POLR3H: variants seen among roughly 807,000 people sequenced by gnomAD.
The protein encoded by POLR3H is RNA polymerase III subunit H.
In POLR3H, 17 loss-of-function variants were observed where a neutral mutation model predicts 25.5. That is an observed-to-expected ratio of 0.67 (90% CI 0.46 to 1.00). The LOEUF is 1.00. POLR3H is among the 50% of genes least tolerant of loss of function. The pLI, the probability that POLR3H is intolerant of heterozygous loss-of-function variation, is 0.00. For synonymous variants in POLR3H, 129 were observed against 103.0 expected (o/e 1.25, Z -1.53); for missense variants, 274 against 265.0 (o/e 1.03, Z -0.24).
In POLR3H at chr22:41,544,069, G is replaced by T; in HGVS notation, c.33C>A (p.Val11=). 1 of 1,613,750 alleles carries T rather than the reference G, an allele frequency of 6.2e-7. No individual in the cohort carries two copies. Among genetic ancestry groups the T allele is most frequent in the South Asian group, 1.1e-5 (1 of 91,068 alleles). The stretch of plus-strand genomic sequence containing the variant: ...TCTCAAACTGCCAAGGGGGGATCCG[G>T]ACGGTGTCCACCATTTCCACCAGGA... MFVLVEMVDT[V]RIPPWQFERK... is the part of the protein sequence containing the mutation. The change falls in exon 1 of 6, where the codon GTC becomes GTA. Residue 11 remains valine (V), a synonymous_variant. Coordinates refer to ENST00000355209, the MANE Select transcript of POLR3H (RefSeq NM_001018050.4).
chr22:41,530,807 C>T lies in POLR3H; in HGVS notation c.441G>A (p.Glu147=). 6.2e-7 allele frequency: 1 copy of T among 1,614,142 alleles called. No individual in the cohort carries two copies. Among genetic ancestry groups the T allele is most frequent in the Non-Finnish European group, 8.5e-7 (1 of 1,180,040 alleles). ...TCTCGTCCACCACCCGGAAGCGGAT[C>T]TCCTCGCCGGTGTCCATGTAGAGGT... is the stretch of plus-strand genomic sequence containing the variant. ...AHDLYMDTGE[E]IRFRVVDESF... The change falls in exon 5 of 6, where the codon GAG becomes GAA. Residue 147 remains glutamate (E), a synonymous_variant. Coordinates refer to ENST00000355209, the MANE Select transcript of POLR3H (RefSeq NM_001018050.4).
chr22:41,531,834 G>C (rs2066742662), intron 4 of POLR3H, among the ~76,000 whole-genome samples: 1 of 152,230 alleles, frequency 6.6e-6, no homozygotes, highest in Non-Finnish European at 1.5e-5. Flanking sequence ...GGACACCACA[G>C]CTCTAATGGT....
intron 2 of POLR3H, among the ~76,000 whole-genome samples, chr22:41,533,228 CT>C (rs2066777149): frequency 6.6e-6 from 1 of 152,226 alleles, no homozygotes; most frequent in African/African-American, 2.4e-5. Context: ...TCAGGCCATG[CT>C]GCAGGTGGTC....
At position 41,526,233 on chromosome 22, in the gene POLR3H, ACCTCTGT is replaced by A. The variant is rs1183425800; in HGVS notation, c.*3043_*3049del. On this transcript the variant is annotated 3_prime_UTR_variant, in exon 6 of 6. Transcript: ENST00000355209. ...TCCACCCCTCCAGGGCCATGCCCTG[ACCTCTGT>A]CCTCTCTACTTACCACCCAAGGTCA... The A allele has an allele frequency of 6.3e-7, 1 of 1,596,788 alleles. No homozygotes were observed. Among genetic ancestry groups the A allele is most frequent in the Admixed American group, 1.7e-5 (1 of 59,550 alleles).
In POLR3H at chr22:41,544,330, C is replaced by T. The variant is rs1051051183; in HGVS notation, c.-229G>A. 8 of 414,460 alleles carry T rather than the reference C, an allele frequency of 1.9e-5. No individual in the cohort carries two copies. The highest frequency in any genetic ancestry group is 1.5e-4 in the African/African-American group (7 of 47,180). 25.7% of individuals were successfully genotyped at this position (414,460 alleles called of 1,614,324 possible). A position where few individuals can be genotyped will look rare whatever the true frequency, so the allele number is the denominator to read the frequency against. ...CACTCTCCGTCCACAGCTCCGGGTG[C>T]GCGCCCGCGCCGCGAGACCCCGCCA... On this transcript the variant is annotated 5_prime_UTR_variant, in exon 1 of 6. Transcript: ENST00000355209.
At position 41,527,123 on chromosome 22, in the gene POLR3H, C is replaced by T; in HGVS notation, c.*2160G>A. The T allele has an allele frequency of 9.9e-7, 1 of 1,013,126 alleles. No individual in the cohort carries two copies. The highest frequency in any genetic ancestry group is 1.4e-6 in the Non-Finnish European group (1 of 699,364). 62.8% of individuals were successfully genotyped at this position (1,013,126 alleles called of 1,614,324 possible). A position where few individuals can be genotyped will look rare whatever the true frequency, so the allele number is the denominator to read the frequency against. ...CTCGTTTGGGTCTCATTCACGCAGG[C>T]TTCACTTGCCCTTAGGCAGCAGGCG... On this transcript the variant is annotated 3_prime_UTR_variant, in exon 6 of 6. Coordinates refer to ENST00000355209, the MANE Select transcript of POLR3H (RefSeq NM_001018050.4).
intron 2 of POLR3H, among the ~76,000 whole-genome samples, chr22:41,537,763 TA>T (rs2066871581): frequency 6.6e-6 from 1 of 152,080 alleles, no homozygotes. Flanking sequence ...TGGGGGCTAA[TA>T]AAAGCCAGCA....
intron 2 of POLR3H, among the ~76,000 whole-genome samples, chr22:41,534,286 C>T (rs1823216842): frequency 1.3e-5 from 2 of 152,186 alleles, no homozygotes; most frequent in South Asian, 2.1e-4. Context: ...GCTGGGCACC[C>T]GGAGTCCCCC....
Position 41,528,450 on chromosome 22 carries a change from T to C in POLR3H, c.*833A>G, listed in dbSNP as rs190864956. ...GCCAAGGGCACACAGTACCCACCAC[T>C]TCCACCCACACCCACCTTCTCCTTG... is the stretch of plus-strand genomic sequence containing the variant. On this transcript the variant is annotated 3_prime_UTR_variant, in exon 6 of 6. Transcript: ENST00000355209. 3.0e-4 allele frequency: 487 copies of C among 1,609,546 alleles called. 4 individuals carry two copies. The African/African-American group carries it at 5.2e-3, about 17-fold the overall frequency.
intron 2 of POLR3H, among the ~76,000 whole-genome samples, chr22:41,538,269 G>A (rs1006042660): frequency 2.0e-5 from 3 of 151,962 alleles, no homozygotes; most frequent in African/African-American, 7.3e-5. Flanking sequence ...GAGTAGCTGG[G>A]ACTACAGGTG....
chr22:41,526,588 G>A lies in POLR3H; in HGVS notation c.*2695C>T. ...GCCCAAAGGGGACTGCTGTGGAAGG[G>A]AGGAGAGGCCTGCAGCCCCTCCCTG... On this transcript the variant is annotated 3_prime_UTR_variant, in exon 6 of 6. Transcript: ENST00000355209. 1 of 994,138 alleles carries A rather than the reference G, an allele frequency of 1.0e-6. No individual in the cohort carries two copies. Among genetic ancestry groups the A allele is most frequent in the Non-Finnish European group, 1.4e-6 (1 of 701,926 alleles). The allele number at this position is 994,138 out of a possible 1,614,324, so 61.6% of individuals were successfully genotyped here. A position where few individuals can be genotyped will look rare whatever the true frequency, so the allele number is the denominator to read the frequency against.
intron 2 of POLR3H, among the ~76,000 whole-genome samples, chr22:41,536,636 C>T (rs1423956852): frequency 6.6e-6 from 1 of 151,322 alleles, no homozygotes; most frequent in Non-Finnish European, 1.5e-5. Context: ...GAGGCCAAGG[C>T]GGGCGGATCG....
chr22:41,531,124 G>A (rs538145474), intron 4 of POLR3H, among the ~76,000 whole-genome samples: 4 of 152,292 alleles, frequency 2.6e-5, no homozygotes, highest in African/African-American at 7.2e-5. Context: ...CAGGCACCAC[G>A]GCCAGACGCA....
intron 4 of POLR3H, among the ~76,000 whole-genome samples, chr22:41,531,531 G>C (rs1462255809): frequency 1.3e-5 from 2 of 152,264 alleles, no homozygotes; most frequent in Non-Finnish European, 2.9e-5. Context: ...CTCTGTGCCA[G>C]GTCCCGTGCT....
chr22:41,543,941 G>T (rs770491016), intron 1 of POLR3H, 50 bp downstream of exon 1: 6 of 1,388,976 alleles, frequency 4.3e-6, no homozygotes, highest in Non-Finnish European at 6.1e-6. Context: ...CCAGTGGGCG[G>T]CGCTCGCTCT....
Position 41,526,489 on chromosome 22 carries a change from A to G in POLR3H, c.*2794T>C. 1 of 1,583,872 alleles carries G rather than the reference A, an allele frequency of 6.3e-7. No individual in the cohort carries two copies. The highest frequency in any genetic ancestry group is 8.6e-7 in the Non-Finnish European group (1 of 1,160,648). ...GTTGATAGGGGCAATGCCAGTGGTC[A>G]CTCCTGAAGGGGCCTGCAAGGCAGG... On this transcript the variant is annotated 3_prime_UTR_variant, in exon 6 of 6. Coordinates refer to ENST00000355209, the MANE Select transcript of POLR3H (RefSeq NM_001018050.4).
Position 41,529,194 on chromosome 22 carries a change from C to T in POLR3H, c.*89G>A. ...CACTGTCCAGCTCGAGACACTATCT[C>T]CTTAGCATCGGCCTCAGCTGCTGTT... On this transcript the variant is annotated 3_prime_UTR_variant, in exon 6 of 6. Coordinates refer to ENST00000355209, the MANE Select transcript of POLR3H (RefSeq NM_001018050.4). 2.5e-6 allele frequency: 3 copies of T among 1,186,650 alleles called. No homozygotes were observed. The highest frequency in any genetic ancestry group is 3.6e-6 in the Non-Finnish European group (3 of 828,042). The allele number at this position is 1,186,650 out of a possible 1,614,324, so 73.5% of individuals were successfully genotyped here.
intron 2 of POLR3H, chr22:41,533,494 G>A: frequency 8.3e-7 from 1 of 1,199,596 alleles, no homozygotes; most frequent in Non-Finnish European, 1.1e-6. Flanking sequence ...CATAGCCATG[G>A]GGAGACACCT....
intron 2 of POLR3H, 118 bp downstream of exon 2, chr22:41,540,581 G>T (rs1433038046): frequency 1.3e-6 from 1 of 790,170 alleles, no homozygotes; most frequent in South Asian, 1.4e-5. Context: ...TGGCTCAAGA[G>T]ATCCTTCCGC....
Sources: allele counts gnomAD v4.1 joint callset (sites outside exome capture counted in the v4.1 genomes callset), GRCh38; gene constraint gnomAD v4.1.1; transcripts MANE v1.5; gene names NCBI Gene and HGNC (gene_info 2026-07-23, HGNC 2026-07-21).